The following GRXCR1 variants were observed in gnomAD, a reference collection of about 807,000 sequenced individuals.
The protein encoded by GRXCR1 is glutaredoxin domain-containing cysteine-rich protein 1.
A neutral mutation model predicts 27.3 loss-of-function variants in GRXCR1; 27 were observed. The ratio of observed to expected loss-of-function variants is 0.99; its 90% confidence interval spans 0.73 to 1.37. The LOEUF is 1.37. Among genes scored for constraint, GRXCR1 ranks in the 40% most tolerant of loss-of-function variants. GRXCR1 has a pLI of 0.00. For missense variants in GRXCR1, 379 were observed against 354.4 expected (o/e 1.07, Z -0.56); for synonymous variants, 122 against 131.1 (o/e 0.93, Z 0.47).
Position 42,893,371 on chromosome 4 carries a change from T to C in GRXCR1, c.105T>C (p.Asp35=), listed in dbSNP as rs1311999758. The C allele has an allele frequency of 1.6e-5, 26 of 1,613,820 alleles. No individual in the cohort carries two copies. Among genetic ancestry groups the C allele is most frequent in the Non-Finnish European group, 2.0e-5 (24 of 1,179,806 alleles). The stretch of plus-strand genomic sequence containing the variant: ...GAGTTCTGAAGGAAGTGTATGAAGA[T>C]GGGCAACCGTCAGGCTCTCTGGATT... ...SGRVLKEVYE[D]GQPSGSLDSE... is the part of the protein sequence containing the mutation. The change falls in exon 1 of 4, where the codon GAT becomes GAC. Residue 35 remains aspartate, a synonymous_variant. Transcript: ENST00000399770.
intron 3 of GRXCR1, among the ~76,000 whole-genome samples, chr4:43,025,464 A>G (rs1713224812): frequency 6.6e-6 from 1 of 152,246 alleles, no homozygotes; most frequent in African/African-American, 2.4e-5. Flanking sequence ...CACTCACAGG[A>G]ATAAATGAAC....
At chr4:42,939,024 C>G (rs774467332) in intron 1 of GRXCR1, among the ~76,000 whole-genome samples, 12 of 151,858 alleles carry the variant, frequency 7.9e-5, no homozygotes, top group Non-Finnish European at 1.5e-4. Flanking sequence ...TTTAGAATTG[C>G]TTTTTCTACT....
In GRXCR1 at chr4:42,938,071, C is replaced by G. The variant is rs1191170643; in HGVS notation, c.385-24821C>G. On this transcript the variant is annotated intron_variant, in intron 1 of 3. Coordinates refer to ENST00000399770, the MANE Select transcript of GRXCR1 (RefSeq NM_001080476.3). ...CACTGACCATCCAAATTTCCCCCAC[C>G]CACCCACTACTCTTTCCAGCCACTG... Among the ~76,000 whole-genome samples the G allele has an allele frequency of 2.6e-5, 4 of 152,004 alleles. No homozygotes were observed. The South Asian group carries it at 8.3e-4, about 32-fold the overall frequency.
intron 3 of GRXCR1, among the ~76,000 whole-genome samples, chr4:43,021,053 A>ACAGCAAAT (rs1206908845): frequency 6.6e-6 from 1 of 152,202 alleles, no homozygotes; most frequent in Non-Finnish European, 1.5e-5. Flanking sequence ...TTGTTCTGGG[A>ACAGCAAAT]CAGCAAATGT....
chr4:42,970,307 G>C (rs1237940872), intron 2 of GRXCR1, among the ~76,000 whole-genome samples: 2 of 152,072 alleles, frequency 1.3e-5, no homozygotes, highest in Non-Finnish European at 2.9e-5. Flanking sequence ...AGCTCCACTG[G>C]GCAGTGCTAC....
chr4:42,972,546 G>A (rs1381270811), intron 2 of GRXCR1, among the ~76,000 whole-genome samples: 1 of 152,124 alleles, frequency 6.6e-6, no homozygotes, highest in Non-Finnish European at 1.5e-5. Flanking sequence ...ACTCAGGATA[G>A]TTTTTAGTCA....
At chr4:42,915,600 T>C (rs1465576956) in intron 1 of GRXCR1, among the ~76,000 whole-genome samples, 1 of 152,150 alleles carries the variant, frequency 6.6e-6, no homozygotes, top group African/African-American at 2.4e-5. Flanking sequence ...CAGAGTAGCT[T>C]GGCTCAGGTC....
At chr4:42,998,327 A>C (rs2109794889) in intron 2 of GRXCR1, among the ~76,000 whole-genome samples, 1 of 152,326 alleles carries the variant, frequency 6.6e-6, no homozygotes, top group South Asian at 2.1e-4. Flanking sequence ...GATAAACTTG[A>C]AAAGAATACA....
chr4:42,985,738 C>A (rs1711695787), intron 2 of GRXCR1, among the ~76,000 whole-genome samples: 2 of 152,124 alleles, frequency 1.3e-5, no homozygotes, highest in South Asian at 4.1e-4. Context: ...AACAAAGTTT[C>A]AAATCTAGGT....
intron 1 of GRXCR1, among the ~76,000 whole-genome samples, chr4:42,960,919 T>A (rs1272401207): frequency 1.3e-5 from 2 of 151,836 alleles, no homozygotes; most frequent in East Asian, 3.9e-4. Flanking sequence ...TGTGCCATGG[T>A]GGTTTGCTGC....
chr4:42,963,213 G>C, intron 2 of GRXCR1, 79 bp downstream of exon 2: 1 of 1,508,118 alleles, frequency 6.6e-7, no homozygotes, highest in Non-Finnish European at 9.2e-7. Flanking sequence ...CTATACATTT[G>C]CAGCGTAACT....
chr4:42,906,600 G>A (rs1194263675), intron 1 of GRXCR1, among the ~76,000 whole-genome samples: 1 of 152,076 alleles, frequency 6.6e-6, no homozygotes, highest in Non-Finnish European at 1.5e-5. Context: ...CCCACTCTCA[G>A]CAAGCCTTTC....
intron 2 of GRXCR1, among the ~76,000 whole-genome samples, chr4:42,965,505 T>C (rs533589797): frequency 3.4e-4 from 51 of 152,188 alleles, no homozygotes; most frequent in Admixed American, 8.5e-4. Flanking sequence ...GCCCTTTTCC[T>C]GCACTATGCA....
intron 2 of GRXCR1, among the ~76,000 whole-genome samples, chr4:43,009,856 A>G (rs1362703247): frequency 6.6e-6 from 1 of 152,170 alleles, no homozygotes; most frequent in Non-Finnish European, 1.5e-5. Flanking sequence ...TTCTCTATAT[A>G]TATTTTCTAT....
chr4:42,926,303 A>C (rs1747156519), intron 1 of GRXCR1, among the ~76,000 whole-genome samples: 1 of 152,036 alleles, frequency 6.6e-6, no homozygotes, highest in African/African-American at 2.4e-5. Context: ...AGTATAAACG[A>C]GAATGTTAGC....
chr4:42,917,005 C>T (rs568183674), intron 1 of GRXCR1, among the ~76,000 whole-genome samples: 1 of 151,882 alleles, frequency 6.6e-6, no homozygotes, highest in African/African-American at 2.4e-5. Context: ...ATTATTTTGC[C>T]ATAAAAATGT....
intron 1 of GRXCR1, among the ~76,000 whole-genome samples, chr4:42,911,421 A>G (rs1420519304): frequency 2.6e-5 from 4 of 152,162 alleles, no homozygotes; most frequent in Admixed American, 2.6e-4. Flanking sequence ...TAGAGATAAG[A>G]CACACATGTA....
chr4:42,904,809 G>T (rs1255218041), intron 1 of GRXCR1, among the ~76,000 whole-genome samples: 3 of 152,082 alleles, frequency 2.0e-5, no homozygotes, highest in African/African-American at 7.2e-5. Flanking sequence ...AGTCCTCAGA[G>T]AATCTAATTC....
intron 2 of GRXCR1, among the ~76,000 whole-genome samples, chr4:42,990,749 T>C (rs1421675047): frequency 1.3e-5 from 2 of 152,226 alleles, no homozygotes; most frequent in South Asian, 4.1e-4. Flanking sequence ...AATTTATTGA[T>C]ATTTTCTTTG....
Sources: gnomAD v4.1 joint callset for allele counts (sites outside exome capture counted in the v4.1 genomes callset) on GRCh38, gnomAD v4.1.1 for gene constraint, MANE v1.5 for transcripts, NCBI Gene and HGNC (gene_info 2026-07-23, HGNC 2026-07-21) for gene names.